The following ARRB1 variants were observed in gnomAD, a reference collection of about 807,000 sequenced individuals.
ARRB1 encodes beta-arrestin-1.
Under a neutral mutation model 56.8 loss-of-function variants are expected in ARRB1, and 21 were observed. The observed-to-expected ratio is 0.37, with a 90% CI of 0.26 to 0.53. The LOEUF (loss-of-function observed/expected upper bound fraction) is 0.53. Among genes scored for constraint, ARRB1 ranks in the 20% least tolerant of loss-of-function variants. The probability of loss-of-function intolerance (pLI) is 0.88; values close to 1 mark genes in which losing one functional copy is unlikely to be tolerated. For synonymous variants in ARRB1, 210 were observed against 218.6 expected, an observed-to-expected ratio of 0.96 and a Z score of 0.35; for missense variants, 424 against 553.7, an observed-to-expected ratio of 0.77 and a Z score of 2.35.
At chr11:75,347,852 G>A (rs1947796186) in intron 1 of ARRB1, among the ~76,000 whole-genome samples, 1 of 152,068 alleles carries the variant, frequency 6.6e-6, no homozygotes, top group Non-Finnish European at 1.5e-5. Flanking sequence ...CAAGGTTGAT[G>A]GACTCCACCT....
chr11:75,345,954 C>T (rs1947760551), intron 1 of ARRB1, among the ~76,000 whole-genome samples: 1 of 152,140 alleles, frequency 6.6e-6, no homozygotes, highest in Admixed American at 6.5e-5. Flanking sequence ...AACTGAGAAA[C>T]AGAAATAGCC....
chr11:75,313,464 G>C (rs1307386277), intron 1 of ARRB1, among the ~76,000 whole-genome samples: 1 of 152,262 alleles, frequency 6.6e-6, no homozygotes, highest in Non-Finnish European at 1.5e-5. Flanking sequence ...AGAGTCTGAG[G>C]AGGAGGCAGC....
At chr11:75,278,042 G>C (rs1369335783) in intron 8 of ARRB1, among the ~76,000 whole-genome samples, 1 of 152,242 alleles carries the variant, frequency 6.6e-6, no homozygotes, top group African/African-American at 2.4e-5. Context: ...CACTGAGGGA[G>C]CCAGCTCTGA....
intron 1 of ARRB1, among the ~76,000 whole-genome samples, chr11:75,319,080 G>A (rs1341481583): frequency 2.0e-5 from 3 of 152,196 alleles, no homozygotes; most frequent in Non-Finnish European, 4.4e-5. Context: ...CCGGGTCCCA[G>A]CCAGGAAATT....
At position 75,283,347 on chromosome 11, in the gene ARRB1, CG is replaced by C; in HGVS notation, c.293del (p.Thr98SerfsTer30). 6.2e-7 allele frequency: 1 copy of C among 1,614,092 alleles called. No homozygotes were observed. The highest frequency in any genetic ancestry group is 8.5e-7 in the Non-Finnish European group (1 of 1,179,966). On this transcript the variant is annotated frameshift_variant, in exon 5 of 16. Transcript: ENST00000420843. LOFTEE classifies it high-confidence loss of function. The stretch of plus-strand genomic sequence containing the variant: ...TCTTGATGAGGCGTTCCTGCAGCCG[CG>C]TCAGGGGCTTCTTGTCCTCGGGGGC... The part of the protein sequence containing the change: ...PPAPEDKKPL[T>X]RLQERLIKKL...
intron 1 of ARRB1, among the ~76,000 whole-genome samples, chr11:75,345,041 C>A (rs1020539988): frequency 2.6e-5 from 4 of 152,154 alleles, no homozygotes; most frequent in Admixed American, 6.5e-5. Flanking sequence ...CCAGCAGATC[C>A]CTCTCCAGGT....
intron 2 of ARRB1, 70 bp downstream of exon 2, chr11:75,289,939 C>G: frequency 6.2e-7 from 1 of 1,610,596 alleles, no homozygotes; most frequent in Non-Finnish European, 8.5e-7. Flanking sequence ...GCCGTTTCCT[C>G]TGCTTCCCAA....
intron 10 of ARRB1, among the ~76,000 whole-genome samples, chr11:75,275,650 G>T (rs1366545173): frequency 6.6e-6 from 1 of 152,184 alleles, no homozygotes; most frequent in African/African-American, 2.4e-5. Flanking sequence ...GAGCTGTCAT[G>T]CAGCAGATAG....
intron 8 of ARRB1, among the ~76,000 whole-genome samples, chr11:75,277,989 G>A (rs1035489991): frequency 6.6e-6 from 1 of 152,232 alleles, no homozygotes; most frequent in Non-Finnish European, 1.5e-5. Context: ...TCCACAGAAG[G>A]ATCTGGAAGA....
chr11:75,286,377 C>T (rs753878389), intron 3 of ARRB1, among the ~76,000 whole-genome samples: 2 of 142,810 alleles, frequency 1.4e-5, no homozygotes, highest in African/African-American at 5.1e-5. Flanking sequence ...AAGCGATTCT[C>T]ATGCCTCACC....
intron 1 of ARRB1, among the ~76,000 whole-genome samples, chr11:75,315,752 T>C (rs1311765434): frequency 2.6e-5 from 4 of 152,182 alleles, no homozygotes; most frequent in Non-Finnish European, 5.9e-5. Flanking sequence ...GGCTGGATAC[T>C]TAGGCATCAG....
chr11:75,295,510 C>T (rs543634936), intron 1 of ARRB1, among the ~76,000 whole-genome samples: 19 of 152,140 alleles, frequency 1.2e-4, no homozygotes, highest in Non-Finnish European at 2.4e-4. Flanking sequence ...CCTCTCTCTT[C>T]CATTTATAAA....
intron 1 of ARRB1, among the ~76,000 whole-genome samples, chr11:75,301,041 G>A (rs1285540825): frequency 4.6e-5 from 7 of 151,876 alleles, no homozygotes; most frequent in African/African-American, 1.2e-4. Flanking sequence ...CTACTCTGGA[G>A]GCTGAGACAG....
At chr11:75,351,252 A>G (rs1320364620) in intron 1 of ARRB1, among the ~76,000 whole-genome samples, 1 of 152,172 alleles carries the variant, frequency 6.6e-6, no homozygotes, top group Non-Finnish European at 1.5e-5. Flanking sequence ...GTGCGCCAGC[A>G]TGCCTGTGCC....
chr11:75,276,718 G>T, intron 10 of ARRB1, 121 bp downstream of exon 10: 1 of 896,688 alleles, frequency 1.1e-6, no homozygotes, highest in Non-Finnish European at 1.7e-6. Context: ...TGGCAAGGAA[G>T]TCTGAGGCCC....
At chr11:75,291,837 G>A (rs1946618391) in intron 1 of ARRB1, among the ~76,000 whole-genome samples, 1 of 152,234 alleles carries the variant, frequency 6.6e-6, no homozygotes, top group East Asian at 1.9e-4. Context: ...GAGGCTGAGA[G>A]GGCTTCCTGC....
In ARRB1 at chr11:75,265,709, TTCAA is replaced by T; in HGVS notation, c.*450_*453del. 2 of 178,816 alleles carry T rather than the reference TTCAA, an allele frequency of 1.1e-5. No individual in the cohort carries two copies. The highest frequency in any genetic ancestry group is 1.1e-4 in the Admixed American group (2 of 17,530). The allele number at this position is 178,816 out of a possible 1,614,324, so 11.1% of individuals were successfully genotyped here. On this transcript the variant is annotated 3_prime_UTR_variant, in exon 16 of 16. Coordinates refer to ENST00000420843, the MANE Select transcript of ARRB1 (RefSeq NM_004041.5). ...CCCTCCCAGCCAGAAGGAGGTGGCC[TTCAA>T]CGCGGTCATCTTTTAGCTGCCAGAA...
intron 1 of ARRB1, among the ~76,000 whole-genome samples, chr11:75,325,927 G>A (rs768033906): frequency 2.6e-5 from 4 of 152,300 alleles, no homozygotes; most frequent in South Asian, 2.1e-4. Flanking sequence ...AACTCGGGCC[G>A]GCTGACTCAG....
At chr11:75,327,655 CT>C in intron 1 of ARRB1, among the ~76,000 whole-genome samples, 1 of 147,866 alleles carries the variant, frequency 6.8e-6, no homozygotes, top group Admixed American at 6.8e-5. Flanking sequence ...GTGGCGTGAT[CT>C]CGGCTTACTG....
Sources: allele counts gnomAD v4.1 joint callset (sites outside exome capture counted in the v4.1 genomes callset), GRCh38; gene constraint gnomAD v4.1.1; transcripts MANE v1.5; gene names NCBI Gene and HGNC (gene_info 2026-07-23, HGNC 2026-07-21).